RASGRF1: variants seen among roughly 807,000 people sequenced by gnomAD.
RASGRF1 encodes the protein ras-specific guanine nucleotide-releasing factor 1.
In RASGRF1, 40 loss-of-function variants were observed where a neutral mutation model predicts 138.7. The ratio of observed to expected loss-of-function variants is 0.29; its 90% CI spans 0.22 to 0.38. The LOEUF (loss-of-function observed/expected upper bound fraction) is 0.38. Among genes scored for constraint, RASGRF1 ranks in the 10% least tolerant of loss-of-function variants. RASGRF1 has a pLI of 1.00. For synonymous variants in RASGRF1, 614 were observed against 663.2 expected (o/e 0.93, Z 1.14); for missense variants, 1,108 against 1,650.4 (o/e 0.67, Z 5.69).
intron 12 of RASGRF1, 58 bp downstream of exon 12, chr15:79,017,712 C>T (rs961565406): frequency 1.3e-6 from 2 of 1,536,248 alleles, no homozygotes; most frequent in African/African-American, 2.8e-5. Context: ...AGCCAAATCC[C>T]TGACCTGGTT....
chr15:79,007,577 G>T (rs1476587569), intron 13 of RASGRF1, among the ~76,000 whole-genome samples: 3 of 130,232 alleles, frequency 2.3e-5, no homozygotes, highest in East Asian at 2.2e-4. Flanking sequence ...ATGAGATAAG[G>T]TCTCATTTGC....
chr15:79,005,169 T>C, intron 14 of RASGRF1: 1 of 985,448 alleles, frequency 1.0e-6, no homozygotes, highest in Non-Finnish European at 1.2e-6. Context: ...AGAGGCAAGA[T>C]GTACCCTGCC....
chr15:79,019,002 T>C (rs1423093509), intron 11 of RASGRF1, among the ~76,000 whole-genome samples: 1 of 152,148 alleles, frequency 6.6e-6, no homozygotes, highest in East Asian at 1.9e-4. Flanking sequence ...TTGGCCCTTA[T>C]TGGAAGGGCA....
At chr15:79,043,244 T>C (rs2067732800) in intron 5 of RASGRF1, among the ~76,000 whole-genome samples, 1 of 152,230 alleles carries the variant, frequency 6.6e-6, no homozygotes, top group Non-Finnish European at 1.5e-5. Context: ...TCTTTTTATA[T>C]ATTGCTAGAT....
chr15:79,022,970 C>G (rs576687094), intron 10 of RASGRF1, among the ~76,000 whole-genome samples: 1 of 152,198 alleles, frequency 6.6e-6, no homozygotes, highest in South Asian at 2.1e-4. Flanking sequence ...GTCAGGAGAT[C>G]GAGACCATCC....
rs933238682 is a variant in RASGRF1 at position 78,975,785 on chromosome 15, G to A, written c.3495-2365C>T. ...TCTGCTCGCCTCAGCTTCCCAAAGT[G>A]CTCAGATTACAGGTGTGAGCCACTG... On this transcript the variant is annotated intron_variant, in intron 24 of 26. Transcript: ENST00000558480. Among the ~76,000 whole-genome samples the A allele has an allele frequency of 3.3e-5, 5 of 152,176 alleles. No homozygotes were observed. In the East Asian group the frequency reaches 9.6e-4, roughly 29 times the overall value.
At chr15:79,010,735 C>A (rs1203869697) in intron 13 of RASGRF1, among the ~76,000 whole-genome samples, 1 of 152,152 alleles carries the variant, frequency 6.6e-6, no homozygotes, top group East Asian at 1.9e-4. Context: ...GGGAGAGTGC[C>A]CCCACCTTGA....
intron 2 of RASGRF1, among the ~76,000 whole-genome samples, chr15:79,063,668 T>A (rs1020395698): frequency 6.6e-6 from 1 of 152,174 alleles, no homozygotes; most frequent in Non-Finnish European, 1.5e-5. Flanking sequence ...TCCATTTTTT[T>A]AGGCAGGAGA....
intron 1 of RASGRF1, among the ~76,000 whole-genome samples, chr15:79,070,013 G>A (rs1490175311): frequency 5.3e-5 from 8 of 152,248 alleles, no homozygotes; most frequent in African/African-American, 1.9e-4. Flanking sequence ...TGAAGACAGT[G>A]GAAGCCCCCA....
chr15:79,023,306 C>T (rs1298418280), intron 10 of RASGRF1, among the ~76,000 whole-genome samples: 2 of 152,212 alleles, frequency 1.3e-5, no homozygotes, highest in East Asian at 1.9e-4. Context: ...AGCAAATCCA[C>T]ATCCACTGTG....
intron 5 of RASGRF1, among the ~76,000 whole-genome samples, chr15:79,045,887 T>C (rs926988908): frequency 1.3e-5 from 2 of 152,256 alleles, no homozygotes; most frequent in Non-Finnish European, 2.9e-5. Flanking sequence ...ATGCTGAATA[T>C]TTGAAAAGAA....
chr15:79,089,130 C>T (rs2058019325), intron 1 of RASGRF1, among the ~76,000 whole-genome samples: 1 of 152,196 alleles, frequency 6.6e-6, no homozygotes, highest in African/African-American at 2.4e-5. Flanking sequence ...CTTTTCAGAA[C>T]ATTGGGACGG....
intron 26 of RASGRF1, among the ~76,000 whole-genome samples, chr15:78,965,613 G>A (rs2055628597): frequency 6.6e-6 from 1 of 152,214 alleles, no homozygotes; most frequent in Admixed American, 6.5e-5. Flanking sequence ...CACTTTGGGA[G>A]GCCAAAGCAG....
intron 20 of RASGRF1, among the ~76,000 whole-genome samples, chr15:78,993,386 G>GGT (rs981642649): frequency 1.6e-5 from 2 of 123,834 alleles, no homozygotes; most frequent in East Asian, 2.2e-4. Context: ...TGTGTGTGTG[G>GGT]GTGTGTGTGT....
chr15:79,068,867 C>G (rs2057716576), intron 1 of RASGRF1, among the ~76,000 whole-genome samples: 1 of 152,064 alleles, frequency 6.6e-6, no homozygotes, highest in Non-Finnish European at 1.5e-5. Flanking sequence ...GTCCTGGGGT[C>G]AGCCTGGCAG....
At position 78,988,839 on chromosome 15, in the gene RASGRF1, G is replaced by GTTT. The variant is rs555940270; in HGVS notation, c.3216+1347_3216+1349dup. Reference sequence around the variant, plus strand: ...CATGTGGGGAAGTTGCTGGGAGGGAGTTTTTTTTTTTTTTTTTTCCTCACA... The same window carrying GTTT: ...CATGTGGGGAAGTTGCTGGGAGGGAGTTTTTTTTTTTTTTTTTTTTTCCTCACA... On this transcript the variant is annotated intron_variant, in intron 22 of 26. Coordinates refer to ENST00000558480, the MANE Select transcript of RASGRF1 (RefSeq NM_001145648.3). Among the ~76,000 whole-genome samples the GTTT allele has an allele frequency of 5.4e-3, 683 of 127,066 alleles. 32 individuals are homozygous for GTTT. The highest frequency in any genetic ancestry group is 0.014 in the African/African-American group (452 of 33,226). 83.4% of individuals were successfully genotyped at this position (127,066 alleles called of 152,430 possible).
chr15:78,964,232 T>A (rs1201496741), intron 26 of RASGRF1, among the ~76,000 whole-genome samples: 2 of 152,080 alleles, frequency 1.3e-5, no homozygotes, highest in Non-Finnish European at 2.9e-5. Context: ...TGGAGTACAG[T>A]GGCGCCATCT....
Position 79,035,671 on chromosome 15 carries a change from G to C in RASGRF1, c.879-461C>G, listed in dbSNP as rs734447. Among the ~76,000 whole-genome samples, 35 of 152,194 alleles carry C rather than the reference G, an allele frequency of 2.3e-4. No homozygotes were observed. The Middle Eastern group carries it at 0.014, about 59-fold the overall frequency. On this transcript the variant is annotated intron_variant, in intron 5 of 26. Transcript: ENST00000558480. ...GCTAGAGTTTGGGATTAGCACAGAG[G>C]GGGGCTGAAATCTGCCTGATGCCCC...
chr15:78,984,425 GGTTTTATGTTCAT>G lies in RASGRF1; in HGVS notation c.3414+569_3414+581del, dbSNP rs1180567483. Reference sequence around the variant, plus strand: ...ATTCCTGAGGAAGAATCTATCTTATGGTTTTATGTTCATGTTTTATGTTTATGGCTTTTCAGGT... The same window carrying G: ...ATTCCTGAGGAAGAATCTATCTTATGGTTTTATGTTTATGGCTTTTCAGGT... On this transcript the variant is annotated intron_variant, in intron 23 of 26. Transcript: ENST00000558480. The G allele has an allele frequency of 1.8e-5, 3 of 163,584 alleles. No individual in the cohort carries two copies. In the East Asian group the frequency reaches 5.0e-4, roughly 27 times the overall value. The allele number at this position is 163,584 out of a possible 1,614,324, so 10.1% of individuals were successfully genotyped here.
Sources: allele counts gnomAD v4.1 joint callset (sites outside exome capture counted in the v4.1 genomes callset), GRCh38; gene constraint gnomAD v4.1.1; transcripts MANE v1.5; gene names NCBI Gene and HGNC (gene_info 2026-07-23, HGNC 2026-07-21).